Variants in ADAMTS12 observed in about 807,000 individuals in gnomAD.
ADAMTS12 encodes the protein ADAM metallopeptidase with thrombospondin type 1 motif 12.
A neutral mutation model predicts 167.8 loss-of-function variants in ADAMTS12; 118 were observed. That is an observed-to-expected ratio of 0.70 (90% confidence interval 0.61 to 0.82). The LOEUF (loss-of-function observed/expected upper bound fraction) is 0.82. Ranked by LOEUF, ADAMTS12 falls within the 40% of genes least tolerant of loss-of-function variation. The probability of loss-of-function intolerance (pLI) is 0.00; values close to 1 mark genes in which losing one functional copy is unlikely to be tolerated. For synonymous variants in ADAMTS12, 704 were observed against 716.9 expected (o/e 0.98, Z 0.29); for missense variants, 1,916 against 1,998.8 (o/e 0.96, Z 0.79).
At chr5:33,666,207 C>T (rs754302570) in intron 5 of ADAMTS12, among the ~76,000 whole-genome samples, 3 of 152,200 alleles carry the variant, frequency 2.0e-5, no homozygotes, top group African/African-American at 4.8e-5. Flanking sequence ...CACCCTCCAC[C>T]GTTAACATAC....
At chr5:33,623,909 G>C (rs1048900476) in intron 14 of ADAMTS12, among the ~76,000 whole-genome samples, 2 of 152,090 alleles carry the variant, frequency 1.3e-5, no homozygotes, top group South Asian at 4.1e-4. Flanking sequence ...TTTAATGCTG[G>C]ATCCTCTTGT....
At chr5:33,549,706 A>G (rs73078354) in intron 20 of ADAMTS12, among the ~76,000 whole-genome samples, 10,295 of 152,126 alleles carry the variant, frequency 0.068, 1,160 homozygotes, top group African/African-American at 0.24. Context: ...GAGATTATAG[A>G]CCCTGGGGCT....
Position 33,536,133 on chromosome 5 carries a change from T to G in ADAMTS12, c.4447-1141A>C, listed in dbSNP as rs76729097. Among the ~76,000 whole-genome samples the G allele has an allele frequency of 3.5e-3, 540 of 152,246 alleles. 5 individuals carry two copies. The highest frequency in any genetic ancestry group is 0.013 in the African/African-American group (528 of 41,534). ...GGTAAAATATATAAAGCACAAAATA[T>G]ACCATTTAAACCATTTTTTCTGAGA... On this transcript the variant is annotated intron_variant, in intron 22 of 23. Coordinates refer to ENST00000504830, the MANE Select transcript of ADAMTS12 (RefSeq NM_030955.4).
At position 33,534,119 on chromosome 5, in the gene ADAMTS12, C is replaced by G. The variant is rs73758589; in HGVS notation, c.4606+714G>C. Reference sequence around the variant, plus strand: ...CCTATAGGAGCTCCTTTGTCTCTCACGCAGAGAGCCTCCTGTAAATTCACT... The same window carrying G: ...CCTATAGGAGCTCCTTTGTCTCTCAGGCAGAGAGCCTCCTGTAAATTCACT... On this transcript the variant is annotated intron_variant, in intron 23 of 23. Coordinates refer to ENST00000504830, the MANE Select transcript of ADAMTS12 (RefSeq NM_030955.4). Among the ~76,000 whole-genome samples, 1,262 of 152,324 alleles carry G rather than the reference C, an allele frequency of 8.3e-3. 26 individuals are homozygous for G. Among genetic ancestry groups the G allele is most frequent in the African/African-American group, 0.029 (1,207 of 41,562 alleles).
intron 18 of ADAMTS12, among the ~76,000 whole-genome samples, chr5:33,582,879 T>C (rs549117686): frequency 1.5e-4 from 23 of 152,252 alleles, no homozygotes; most frequent in Non-Finnish European, 3.2e-4. Flanking sequence ...TAGGTGTATA[T>C]ATTTATGGGG....
chr5:33,743,614 G>A (rs897579506), intron 3 of ADAMTS12, among the ~76,000 whole-genome samples: 12 of 152,244 alleles, frequency 7.9e-5, no homozygotes, highest in East Asian at 3.9e-4. Flanking sequence ...CTAATTACCC[G>A]GTGTCTGGCA....
At chr5:33,713,718 G>A (rs1743493078) in intron 3 of ADAMTS12, among the ~76,000 whole-genome samples, 1 of 152,066 alleles carries the variant, frequency 6.6e-6, no homozygotes, top group Admixed American at 6.6e-5. Flanking sequence ...ACCATATTCT[G>A]TCGATTCACT....
intron 23 of ADAMTS12, among the ~76,000 whole-genome samples, chr5:33,532,425 G>A (rs146025850): frequency 1.3e-3 from 197 of 151,202 alleles, no homozygotes; most frequent in African/African-American, 4.6e-3. Flanking sequence ...AAAATTTACC[G>A]ACTTAAATGT....
rs376260005 is a variant in ADAMTS12 at position 33,756,741 on chromosome 5, T to C, written c.490-5193A>G. Among the ~76,000 whole-genome samples, 6 of 152,290 alleles carry C rather than the reference T, an allele frequency of 3.9e-5. No homozygotes were observed. The East Asian group carries it at 1.2e-3, about 29-fold the overall frequency. On this transcript the variant is annotated intron_variant, in intron 2 of 23. Coordinates refer to ENST00000504830, the MANE Select transcript of ADAMTS12 (RefSeq NM_030955.4). ...GTAACTCATGTGGTTTCAGGAAATA[T>C]GGACTGAAGCCAGGAAGACATTGGT...
chr5:33,810,892 T>G (rs932427915), intron 2 of ADAMTS12, among the ~76,000 whole-genome samples: 19 of 152,200 alleles, frequency 1.2e-4, no homozygotes, highest in Non-Finnish European at 2.9e-5. Flanking sequence ...TTGCTTCATA[T>G]CTAAATTAAG....
chr5:33,705,469 C>A (rs955299271), intron 3 of ADAMTS12, among the ~76,000 whole-genome samples: 1 of 152,164 alleles, frequency 6.6e-6, no homozygotes, highest in South Asian at 2.1e-4. Context: ...TATCTCCCAT[C>A]CAACAAGTTG....
chr5:33,782,497 T>C (rs2092289636), intron 2 of ADAMTS12, among the ~76,000 whole-genome samples: 2 of 151,938 alleles, frequency 1.3e-5, no homozygotes, highest in South Asian at 4.1e-4. Context: ...ACAGAGATTG[T>C]CATATAAAAT....
chr5:33,624,209 C>G, intron 14 of ADAMTS12, 22 bp downstream of exon 14: 1 of 1,613,466 alleles, frequency 6.2e-7, no homozygotes, highest in Non-Finnish European at 8.5e-7. Flanking sequence ...CCTGCCACTT[C>G]GATTATTTAT....
intron 2 of ADAMTS12, among the ~76,000 whole-genome samples, chr5:33,863,858 T>C (rs1196142121): frequency 6.6e-6 from 1 of 152,094 alleles, no homozygotes; most frequent in East Asian, 1.9e-4. Flanking sequence ...AAAACAGATA[T>C]ATACACCAAT....
chr5:33,567,303 C>T (rs1394257519), intron 19 of ADAMTS12, among the ~76,000 whole-genome samples: 1 of 152,186 alleles, frequency 6.6e-6, no homozygotes, highest in African/African-American at 2.4e-5. Context: ...TAGGTGCTTT[C>T]AGACCTTATT....
At chr5:33,823,085 C>T (rs11741913) in intron 2 of ADAMTS12, among the ~76,000 whole-genome samples, 32,300 of 115,674 alleles carry the variant, frequency 0.28, 4,040 homozygotes, top group Admixed American at 0.36. Context: ...AGGAAGACCC[C>T]ATTTCTAAAA....
chr5:33,671,215 T>C (rs1016655119), intron 5 of ADAMTS12, among the ~76,000 whole-genome samples: 4 of 152,156 alleles, frequency 2.6e-5, no homozygotes, highest in Admixed American at 2.0e-4. Flanking sequence ...GGGATGCTTG[T>C]GAGGGAACTG....
At chr5:33,816,028 AT>A (rs1351724456) in intron 2 of ADAMTS12, among the ~76,000 whole-genome samples, 2 of 152,150 alleles carry the variant, frequency 1.3e-5, no homozygotes, top group African/African-American at 4.8e-5. Flanking sequence ...TGGAAAGATG[AT>A]GAGCACCCAG....
intron 3 of ADAMTS12, among the ~76,000 whole-genome samples, chr5:33,698,614 A>G (rs62352073): frequency 0.82 from 125,073 of 152,064 alleles, 51,499 homozygotes; most frequent in South Asian, 0.89. Context: ...GTAAGAGGGC[A>G]GATATCACTA....
Sources: gnomAD v4.1 joint callset for allele counts (sites outside exome capture counted in the v4.1 genomes callset) on GRCh38, gnomAD v4.1.1 for gene constraint, MANE v1.5 for transcripts, NCBI Gene and HGNC (gene_info 2026-07-23, HGNC 2026-07-21) for gene names.